The following MTMR9 variants were observed in gnomAD, a reference collection of about 807,000 sequenced individuals.
The protein encoded by MTMR9 is myotubularin-related protein 9.
In MTMR9, 39 loss-of-function variants were observed where a neutral mutation model predicts 69.5. That is an observed-to-expected ratio of 0.56 (90% CI 0.43 to 0.73). MTMR9 has a LOEUF of 0.73. Ranked by LOEUF, MTMR9 falls within the 30% of genes least tolerant of loss-of-function variation. The pLI, the probability that MTMR9 is intolerant of heterozygous loss-of-function variation, is 0.00. For synonymous variants in MTMR9, 354 were observed against 240.8 expected (o/e 1.47, Z -4.35); for missense variants, 900 against 671.2 (o/e 1.34, Z -3.77).
At chr8:11,311,947 AG>A (rs1473200512) in intron 6 of MTMR9, among the ~76,000 whole-genome samples, 1 of 150,792 alleles carries the variant, frequency 6.6e-6, no homozygotes, top group East Asian at 1.9e-4. Flanking sequence ...ATTCTATCTC[AG>A]GATACTACTT....
chr8:11,338,792 G>T, the MTMR9 span, among the ~76,000 whole-genome samples: 4 of 152,326 alleles, frequency 2.6e-5, no homozygotes, highest in Non-Finnish European at 5.9e-5. Flanking sequence ...AAGACAGGTA[G>T]TTCCTTTTAA....
At chr8:11,309,778 A>C (rs1359533441) in intron 6 of MTMR9, 90 bp downstream of exon 6, 1 of 1,424,140 alleles carries the variant, frequency 7.0e-7, no homozygotes, top group Admixed American at 2.1e-5. Context: ...GATTATGTGA[A>C]AGTTTGCAGT....
chr8:11,285,777 C>T (rs775997968), intron 1 of MTMR9, among the ~76,000 whole-genome samples: 3 of 152,116 alleles, frequency 2.0e-5, no homozygotes, highest in African/African-American at 7.2e-5. Flanking sequence ...TCAAAATTCC[C>T]ATCTCCTTAG....
rs1026656416 is a variant in MTMR9 at position 11,305,696 on chromosome 8, A to G, written c.592-494A>G. Reference sequence around the variant, plus strand: ...GATGGTAGAGGCCACTGGAGAATACATAATAGACAGTCAGCTTCTGAGGTA... The same window carrying G: ...GATGGTAGAGGCCACTGGAGAATACGTAATAGACAGTCAGCTTCTGAGGTA... On this transcript the variant is annotated intron_variant, in intron 4 of 9. Transcript: ENST00000221086. Among the ~76,000 whole-genome samples the G allele has an allele frequency of 2.6e-5, 4 of 152,280 alleles. No individual in the cohort carries two copies. In the East Asian group the frequency reaches 7.7e-4, roughly 29 times the overall value.
downstream of MTMR9, chr8:11,331,096 T>C (rs768019436): frequency 5.4e-5 from 86 of 1,582,306 alleles, no homozygotes; most frequent in Non-Finnish European, 7.2e-5. Flanking sequence ...GAGGAGAAAG[T>C]CCAAGGAAAG....
At chr8:11,288,329 A>T (rs946324472) in intron 1 of MTMR9, among the ~76,000 whole-genome samples, 2 of 140,554 alleles carry the variant, frequency 1.4e-5, no homozygotes, top group African/African-American at 5.2e-5. Flanking sequence ...ATATATATAC[A>T]TAAATATATA....
rs774067647 is a variant in MTMR9, at chr8:11,322,647, A to C, written c.1509A>C (p.Arg503Ser). The C allele has an allele frequency of 1.3e-5, 21 of 1,613,692 alleles. No homozygotes were observed. The East Asian group carries it at 4.5e-4, about 34-fold the overall frequency. ...LWEGIFLRWN[R>S]SSKYLDEAYE... Reference sequence around the variant, plus strand: ...TAGGTATTTTCCTACGTTGGAATAGATCCTCTAAGTATTTGGATGAAGCAT... The same window carrying C: ...TAGGTATTTTCCTACGTTGGAATAGCTCCTCTAAGTATTTGGATGAAGCAT... Residue 503 changes from arginine to serine, a missense_variant, in exon 10 of 10, where the codon AGA (arginine) becomes AGC (serine). Transcript: ENST00000221086.
In MTMR9 at chr8:11,319,769, C is replaced by G; in HGVS notation, c.1417C>G (p.Pro473Ala). 1 of 1,614,174 alleles carries G rather than the reference C, an allele frequency of 6.2e-7. No homozygotes were observed. Among genetic ancestry groups the G allele is most frequent in the South Asian group, 1.1e-5 (1 of 91,082 alleles). ...QPSELSKFTN[P>A]LFEANNLVIW... ...CAGTGAGCTGAGTAAATTCACCAAT[C>G]CCCTCTTTGAAGCCAACAACCTTGT... is the stretch of plus-strand genomic sequence containing the variant. Residue 473 changes from proline to alanine, a missense_variant, in exon 9 of 10, where the codon CCC (proline) becomes GCC (alanine). By Grantham distance (27) the Pro-to-Ala change is conservative. Transcript: ENST00000221086.
chr8:11,306,180 A>T lies in MTMR9; in HGVS notation c.592-10A>T, dbSNP rs112244742. On this transcript the variant is annotated splice_polypyrimidine_tract_variant and intron_variant, in intron 4 of 9. Coordinates refer to ENST00000221086, the MANE Select transcript of MTMR9 (RefSeq NM_015458.4). ...CTGCTGTTGAATTTTCAGCTTTATT[A>T]TGCTTCTAGGTAATTATGCGAAGTG... The T allele has an allele frequency of 8.1e-4, 1,300 of 1,611,254 alleles. 7 individuals are homozygous for T. In the African/African-American group the frequency reaches 0.015, roughly 19 times the overall value.
chr8:11,334,613 A>AAAGTAACAAAACATACAGAAAAG, the MTMR9 span, among the ~76,000 whole-genome samples: 28 of 152,322 alleles, frequency 1.8e-4, no homozygotes, highest in African/African-American at 5.1e-4. Flanking sequence ...GGGGGGCAAG[A>AAAGTAACAAAACATACAGAAAAG]AAGTAACAAA....
chr8:11,321,967 G>A (rs1468823845), intron 9 of MTMR9, among the ~76,000 whole-genome samples: 1 of 152,148 alleles, frequency 6.6e-6, no homozygotes, highest in African/African-American at 2.4e-5. Flanking sequence ...TAACTGTAAG[G>A]CATTATTGTG....
chr8:11,290,812 G>A (rs988889203), intron 1 of MTMR9, among the ~76,000 whole-genome samples: 1 of 148,294 alleles, frequency 6.7e-6, no homozygotes, highest in Non-Finnish European at 1.5e-5. Flanking sequence ...CTTTCCTTCT[G>A]TGGCTTTGTG....
rs1464298108 is a variant in MTMR9, at chr8:11,316,803, T to C, written c.1244T>C (p.Phe415Ser). The part of the protein sequence containing the change: ...WQILRQFPCS[F>S]EFNENFLIML... ...ATCCTTCGTCAGTTTCCCTGTTCTTTTGAGTTTAATGAGAATTTCCTCATC... is the reference window on the plus strand; with the variant it reads ...ATCCTTCGTCAGTTTCCCTGTTCTTCTGAGTTTAATGAGAATTTCCTCATC... Residue 415 changes from phenylalanine (F) to serine (S), a missense_variant, in exon 8 of 10, where the codon TTT becomes TCT. Transcript: ENST00000221086. The C allele has an allele frequency of 6.2e-7, 1 of 1,613,974 alleles. No individual in the cohort carries two copies. Among genetic ancestry groups the C allele is most frequent in the Non-Finnish European group, 8.5e-7 (1 of 1,179,964 alleles).
Position 11,295,292 on chromosome 8 carries a change from G to C in MTMR9, c.281G>C (p.Ser94Thr), listed in dbSNP as rs1412580140. Residue 94 changes from serine (S) to threonine (T), a missense_variant, in exon 2 of 10, where the codon AGT becomes ACT. Coordinates refer to ENST00000221086, the MANE Select transcript of MTMR9 (RefSeq NM_015458.4). ...ATGGAGGAATGCTTGAATATAGCCAGTTCCATTGAGGTAAGTATTTTGGAA... is the reference window on the plus strand; with the variant it reads ...ATGGAGGAATGCTTGAATATAGCCACTTCCATTGAGGTAAGTATTTTGGAA... Reference protein sequence around the residue: ...PGMEECLNIASSIEALSTLDS... With the variant: ...PGMEECLNIATSIEALSTLDS... 1.3e-6 allele frequency: 2 copies of C among 1,580,612 alleles called. No individual in the cohort carries two copies. Among genetic ancestry groups the C allele is most frequent in the Non-Finnish European group, 1.7e-6 (2 of 1,151,940 alleles).
Position 11,316,956 on chromosome 8 carries a change from C to T in MTMR9, c.1334+63C>T, listed in dbSNP as rs188193695. ...GTTGTTTTGGCTACTTCCTAAGTAG[C>T]CAGAATCTCCTAGGAGACGACGATT... On this transcript the variant is annotated intron_variant, in intron 8 of 9. Transcript: ENST00000221086. 2,136 of 1,103,810 alleles carry T rather than the reference C, an allele frequency of 1.9e-3. 12 individuals are homozygous for T. The highest frequency in any genetic ancestry group is 1.7e-3 in the Non-Finnish European group (1,296 of 773,190). 68.4% of individuals were successfully genotyped at this position (1,103,810 alleles called of 1,614,324 possible).
chr8:11,285,920 C>T lies in MTMR9; in HGVS notation c.182+850C>T, dbSNP rs1269308556. 3.3e-5 allele frequency among the ~76,000 whole-genome samples: 5 copies of T among 149,624 alleles called. No individual in the cohort carries two copies. The East Asian group carries it at 7.8e-4, about 23-fold the overall frequency. On this transcript the variant is annotated intron_variant, in intron 1 of 9. Coordinates refer to ENST00000221086, the MANE Select transcript of MTMR9 (RefSeq NM_015458.4). ...AGGAAGATTCGTACAGAGGATATGC[C>T]TTAAAATAATAATCTCTTTCTTTCT...
At chr8:11,302,278 G>GA (rs1799773962) in intron 3 of MTMR9, among the ~76,000 whole-genome samples, 3 of 80,988 alleles carry the variant, frequency 3.7e-5, no homozygotes, top group Non-Finnish European at 4.5e-5. Context: ...AAAAAAAGAG[G>GA]AAGACAAAAA....
chr8:11,325,384 G>A lies in MTMR9; in HGVS notation c.*2596G>A, dbSNP rs1379811678. On this transcript the variant is annotated 3_prime_UTR_variant, in exon 10 of 10. Coordinates refer to ENST00000221086, the MANE Select transcript of MTMR9 (RefSeq NM_015458.4). ...CACTCGTTAAACATTGCATCGGAGA[G>A]CTGCCTTTGATAAATGTGCTGTTAA... The A allele has an allele frequency of 6.6e-6, 1 of 152,220 alleles. No individual in the cohort carries two copies. Among genetic ancestry groups the A allele is most frequent in the Non-Finnish European group, 1.5e-5 (1 of 68,038 alleles). 9.4% of individuals were successfully genotyped at this position (152,220 alleles called of 1,614,324 possible). A position where few individuals can be genotyped will look rare whatever the true frequency, so the allele number is the denominator to read the frequency against.
At chr8:11,298,854 C>G (rs1181885803) in intron 2 of MTMR9, 17 of 984,694 alleles carry the variant, frequency 1.7e-5, no homozygotes, top group Non-Finnish European at 1.9e-5. Flanking sequence ...TGTCTGTTTT[C>G]CAGGATTCAA....
Sources: allele counts gnomAD v4.1 joint callset (sites outside exome capture counted in the v4.1 genomes callset), GRCh38; gene constraint gnomAD v4.1.1; transcripts MANE v1.5; gene names NCBI Gene and HGNC (gene_info 2026-07-23, HGNC 2026-07-21).